The following FAM184A variants were observed in gnomAD, a reference collection of about 807,000 sequenced individuals.
FAM184A encodes protein FAM184A.
In FAM184A, 99 loss-of-function variants were observed where a neutral mutation model predicts 143.8. That is an observed-to-expected ratio of 0.69 (90% confidence interval 0.58 to 0.81). The LOEUF is 0.81. Ranked by LOEUF, FAM184A falls within the 40% of genes least tolerant of loss-of-function variation. FAM184A has a pLI of 0.00. For missense variants in FAM184A, 1,217 were observed against 1,310.5 expected (o/e 0.93, Z 1.10); for synonymous variants, 427 against 446.4 (o/e 0.96, Z 0.55).
At chr6:119,051,560 TGA>T (rs1786765790) in intron 1 of FAM184A, among the ~76,000 whole-genome samples, 1 of 152,218 alleles carries the variant, frequency 6.6e-6, no homozygotes, top group Non-Finnish European at 1.5e-5. Context: ...GATAAATGCT[TGA>T]GAGAATAGAT....
chr6:119,077,983 A>G (rs1176319829), intron 1 of FAM184A, among the ~76,000 whole-genome samples, 158 bp downstream of exon 1: 1 of 152,192 alleles, frequency 6.6e-6, no homozygotes, highest in Non-Finnish European at 1.5e-5. Flanking sequence ...CGTTCCACCA[A>G]AGTTTGCAGG....
At chr6:119,106,603 A>C (rs1788790480) in intron 1 of FAM184A, among the ~76,000 whole-genome samples, 1 of 152,270 alleles carries the variant, frequency 6.6e-6, no homozygotes, top group African/African-American at 2.4e-5. Context: ...AATTATTCAG[A>C]GTAAACTCAG....
chr6:119,122,818 G>A (rs938956639), intron 1 of FAM184A, among the ~76,000 whole-genome samples: 2 of 151,364 alleles, frequency 1.3e-5, no homozygotes, highest in East Asian at 2.0e-4. Flanking sequence ...CCAGCTACTC[G>A]GGAGGCTGAG....
At position 119,057,068 on chromosome 6, in the gene FAM184A, CAT is replaced by C. The variant is rs1404747570; in HGVS notation, c.159+21071_159+21072del. Among the ~76,000 whole-genome samples the C allele has an allele frequency of 4.6e-5, 7 of 152,188 alleles. No individual in the cohort carries two copies. In the South Asian group the frequency reaches 1.2e-3, roughly 27 times the overall value. On this transcript the variant is annotated intron_variant, in intron 1 of 17. Coordinates refer to ENST00000338891, the MANE Select transcript of FAM184A (RefSeq NM_024581.6). ...GGATATAAATAATTCACATGCTTAGCATTTCAATAATGGAACAAAAGGCATAA... is the reference window on the plus strand; with the variant it reads ...GGATATAAATAATTCACATGCTTAGCTTCAATAATGGAACAAAAGGCATAA...
intron 1 of FAM184A, among the ~76,000 whole-genome samples, chr6:119,049,272 A>G (rs1344158718): frequency 1.3e-5 from 2 of 152,102 alleles, no homozygotes; most frequent in Non-Finnish European, 2.9e-5. Flanking sequence ...ACATGGTAAA[A>G]CCCCATCTCT....
rs572042026 is a variant in FAM184A, at chr6:119,068,601, C to T, written c.159+9540G>A. The stretch of plus-strand genomic sequence containing the variant: ...GAACTTCAAATAAGGGAATGCCTAA[C>T]TTACTGAACCACACCTCTGACCCAT... On this transcript the variant is annotated intron_variant, in intron 1 of 17. Coordinates refer to ENST00000338891, the MANE Select transcript of FAM184A (RefSeq NM_024581.6). Among the ~76,000 whole-genome samples the T allele has an allele frequency of 1.1e-4, 16 of 152,294 alleles. No individual in the cohort carries two copies. In the South Asian group the frequency reaches 1.7e-3, roughly 16 times the overall value.
intron 1 of FAM184A, among the ~76,000 whole-genome samples, chr6:119,139,375 C>G (rs1772132036): frequency 1.3e-5 from 2 of 152,154 alleles, no homozygotes; most frequent in Non-Finnish European, 2.9e-5. Context: ...TTCTGGTTAT[C>G]ACACTTAACT....
At chr6:118,988,068 C>T (rs1294624656) in intron 9 of FAM184A, among the ~76,000 whole-genome samples, 1 of 152,070 alleles carries the variant, frequency 6.6e-6, no homozygotes, top group African/African-American at 2.4e-5. Context: ...TTGTAAGTGC[C>T]GCTCACTTAC....
intron 9 of FAM184A, among the ~76,000 whole-genome samples, chr6:118,985,047 C>T (rs965505862): frequency 6.6e-6 from 1 of 152,188 alleles, no homozygotes. Context: ...TTTTGGTATG[C>T]CTTACTGCAG....
intron 1 of FAM184A, among the ~76,000 whole-genome samples, chr6:119,070,041 A>G (rs10080387): frequency 0.26 from 39,273 of 152,028 alleles, 5,471 homozygotes; most frequent in Non-Finnish European, 0.29. Context: ...TTACAATTAA[A>G]TGAGGTAGCA....
Position 118,960,030 on chromosome 6 carries a change from T to C in FAM184A, c.*73A>G. ...TCACAGTGTTTGACATAGGAAAGCC[T>C]ATTTACATAACAATCTGTATAAAGT... is the stretch of plus-strand genomic sequence containing the variant. On this transcript the variant is annotated 3_prime_UTR_variant, in exon 18 of 18. Coordinates refer to ENST00000338891, the MANE Select transcript of FAM184A (RefSeq NM_024581.6). 18 of 1,205,230 alleles carry C rather than the reference T, an allele frequency of 1.5e-5. No individual in the cohort carries two copies. Among genetic ancestry groups the C allele is most frequent in the Non-Finnish European group, 2.0e-5 (17 of 845,366 alleles). The allele number at this position is 1,205,230 out of a possible 1,614,324, so 74.7% of individuals were successfully genotyped here.
intron 13 of FAM184A, 119 bp from the exon 14 acceptor site, chr6:118,974,693 CA>C: frequency 1.2e-6 from 1 of 831,900 alleles, no homozygotes; most frequent in Non-Finnish European, 1.8e-6. Flanking sequence ...TTTATGTAAA[CA>C]GCCTAAATTA....
rs1298150347 is a variant in FAM184A, at chr6:118,960,261, TCAG to T, written c.3342-80_3342-78del. 3.5e-5 allele frequency: 41 copies of T among 1,157,966 alleles called. No homozygotes were observed. The South Asian group carries it at 5.3e-4, about 15-fold the overall frequency. 71.7% of individuals were successfully genotyped at this position (1,157,966 alleles called of 1,614,324 possible). ...AATGAAGGCAAAAGCACATAAAACA[TCAG>T]CATAGATTACCACAACGGGTTCCCC... On this transcript the variant is annotated intron_variant, in intron 17 of 17. Transcript: ENST00000338891.
chr6:118,964,884 T>A (rs1783449594), intron 15 of FAM184A, 113 bp from the exon 16 acceptor site: 1 of 593,106 alleles, frequency 1.7e-6, no homozygotes, highest in East Asian at 2.8e-5. Flanking sequence ...GAATGAAGAT[T>A]TAGATACTTT....
intron 1 of FAM184A, among the ~76,000 whole-genome samples, chr6:119,092,223 G>A (rs1052162709): frequency 2.0e-5 from 3 of 152,080 alleles, no homozygotes; most frequent in East Asian, 1.9e-4. Context: ...CTGAAGCCTC[G>A]ACCTTCCAGG....
At chr6:119,118,999 C>T (rs1189943350) in intron 1 of FAM184A, among the ~76,000 whole-genome samples, 1 of 152,132 alleles carries the variant, frequency 6.6e-6, no homozygotes, top group Non-Finnish European at 1.5e-5. Context: ...AAGGGTAGGC[C>T]TCTGAAACGG....
At chr6:118,967,666 T>C (rs1247204444) in intron 14 of FAM184A, among the ~76,000 whole-genome samples, 1 of 152,072 alleles carries the variant, frequency 6.6e-6, no homozygotes, top group African/African-American at 2.4e-5. Context: ...TCTAAGAATA[T>C]AGGATGGGGC....
chr6:118,960,118 C>T lies in FAM184A; in HGVS notation c.3408G>A (p.Arg1136=). 2 of 1,613,172 alleles carry T rather than the reference C, an allele frequency of 1.2e-6. No homozygotes were observed. The highest frequency in any genetic ancestry group is 2.7e-5 in the African/African-American group (2 of 74,992). Residue 1136 remains arginine, a synonymous_variant, in exon 18 of 18, where the codon CGG becomes CGA. Coordinates refer to ENST00000338891, the MANE Select transcript of FAM184A (RefSeq NM_024581.6). ...CACAATTCTTTCAGAATGTGAAGTA[C>T]CGGGCAAACCACTCCTGGCGCTGGG... The part of the protein sequence containing the change: ...PDPQRQEWFA[R]YFTF
chr6:118,974,337 T>A (rs1783781975), intron 14 of FAM184A, 91 bp downstream of exon 14: 1 of 1,244,010 alleles, frequency 8.0e-7, no homozygotes, highest in Non-Finnish European at 1.1e-6. Flanking sequence ...ATCCTTTTTA[T>A]TAGAGTCAAA....
Sources: allele counts gnomAD v4.1 joint callset (sites outside exome capture counted in the v4.1 genomes callset), GRCh38; gene constraint gnomAD v4.1.1; transcripts MANE v1.5; gene names NCBI Gene and HGNC (gene_info 2026-07-23, HGNC 2026-07-21).